The following PPP4R3A variants were observed in gnomAD, a reference collection of about 807,000 sequenced individuals.
PPP4R3A encodes serine/threonine-protein phosphatase 4 regulatory subunit 3A.
A neutral mutation model predicts 91.7 loss-of-function variants in PPP4R3A; 15 were observed. That is an observed-to-expected ratio of 0.16 (90% CI 0.11 to 0.25). PPP4R3A has a LOEUF of 0.25. Among genes scored for constraint, PPP4R3A ranks in the 10% least tolerant of loss-of-function variants. The probability of loss-of-function intolerance (pLI) is 1.00; values close to 1 mark genes in which losing one functional copy is unlikely to be tolerated. For synonymous variants in PPP4R3A, 377 were observed against 348.7 expected (o/e 1.08, Z -0.91); for missense variants, 623 against 998.4 (o/e 0.62, Z 5.07).
chr14:91,460,721 T>C (rs1451084488), intron 14 of PPP4R3A, among the ~76,000 whole-genome samples: 1 of 148,294 alleles, frequency 6.7e-6, no homozygotes, highest in Non-Finnish European at 1.5e-5. Context: ...CCCAGGTTCA[T>C]GCCATTCTCC....
intron 3 of PPP4R3A, among the ~76,000 whole-genome samples, chr14:91,482,865 C>G (rs1428723868): frequency 6.6e-6 from 1 of 152,058 alleles, no homozygotes; most frequent in Non-Finnish European, 1.5e-5. Flanking sequence ...TACAAGTGTA[C>G]CTACATAAAA....
chr14:91,482,414 G>T (rs1889625479), intron 3 of PPP4R3A, among the ~76,000 whole-genome samples: 1 of 152,296 alleles, frequency 6.6e-6, no homozygotes, highest in East Asian at 1.9e-4. Context: ...TCCCTATAAA[G>T]TATGAGGTCT....
chr14:91,505,723 G>A (rs1193031964), intron 1 of PPP4R3A, among the ~76,000 whole-genome samples: 1 of 152,064 alleles, frequency 6.6e-6, no homozygotes, highest in Non-Finnish European at 1.5e-5. Context: ...ATAATGACTA[G>A]GTCTAGCCCA....
Position 91,509,674 on chromosome 14 carries a change from G to A in PPP4R3A, c.-27C>T, listed in dbSNP as rs773622835. ...GTGCCGCCCGGGAACCGGGGCGGGG[G>A]CCCCGCCAGTAGACGCCCAGGAAAG... is the stretch of plus-strand genomic sequence containing the variant. On this transcript the variant is annotated 5_prime_UTR_variant, in exon 1 of 15. Transcript: ENST00000554943. 4.4e-6 allele frequency: 7 copies of A among 1,585,018 alleles called. No individual in the cohort carries two copies. Among genetic ancestry groups the A allele is most frequent in the Non-Finnish European group, 6.0e-6 (7 of 1,173,138 alleles).
At chr14:91,477,546 A>C (rs1889283224) in intron 4 of PPP4R3A, among the ~76,000 whole-genome samples, 1 of 152,220 alleles carries the variant, frequency 6.6e-6, no homozygotes, top group African/African-American at 2.4e-5. Flanking sequence ...TATAATTGAG[A>C]CTTGGATTTT....
At position 91,509,468 on chromosome 14, in the gene PPP4R3A, G is replaced by A. The variant is rs1891637423; in HGVS notation, c.142+38C>T. 3.2e-6 allele frequency: 5 copies of A among 1,554,436 alleles called. No homozygotes were observed. The South Asian group carries it at 5.8e-5, about 18-fold the overall frequency. ...ACCAGGGAGGCGGCCCAGGGCCGTG[G>A]GGGCTGCGAGGGTCCCGCCGCGCGG... On this transcript the variant is annotated intron_variant, in intron 1 of 14. Transcript: ENST00000554943.
Position 91,509,530 on chromosome 14 carries a change from G to A in PPP4R3A, c.118C>T (p.Leu40=), listed in dbSNP as rs754761855. 17 of 1,597,312 alleles carry A rather than the reference G, an allele frequency of 1.1e-5. No homozygotes were observed. In the East Asian group the frequency reaches 2.2e-4, roughly 21 times the overall value. Residue 40 remains leucine, a synonymous_variant, in exon 1 of 15, where the codon CTG becomes TTG. Transcript: ENST00000554943. ...CCGTCGCTCTCAGCCCTGACAAGCA[G>A]GGACATGCCCTTCAGCCGCTCCACG... ...GYVERLKGMS[L]LVRAESDGSL... is the part of the protein sequence containing the mutation.
At chr14:91,470,806 T>C (rs371496958) in intron 10 of PPP4R3A, 31 bp downstream of exon 10, 19 of 1,594,520 alleles carry the variant, frequency 1.2e-5, no homozygotes, top group African/African-American at 2.7e-5. Flanking sequence ...CATGTCAATA[T>C]ACAAAGATGA....
At chr14:91,491,805 G>A (rs1481308537) in intron 1 of PPP4R3A, among the ~76,000 whole-genome samples, 2 of 152,190 alleles carry the variant, frequency 1.3e-5, no homozygotes, top group African/African-American at 2.4e-5. Flanking sequence ...GCAGTTGTGC[G>A]ATCTCAGCTC....
chr14:91,466,401 C>T lies in PPP4R3A; in HGVS notation c.1661-982G>A, dbSNP rs1888469584. 3.0e-6 allele frequency: 3 copies of T among 985,622 alleles called. No individual in the cohort carries two copies. The African/African-American group carries it at 5.2e-5, about 17-fold the overall frequency. The allele number at this position is 985,622 out of a possible 1,614,324, so 61.1% of individuals were successfully genotyped here. On this transcript the variant is annotated intron_variant, in intron 10 of 14. Coordinates refer to ENST00000554943, the MANE Select transcript of PPP4R3A (RefSeq NM_001366432.2). The stretch of plus-strand genomic sequence containing the variant: ...CTTCATGAGCAGGTAGCCAGGCAAC[C>T]ATGCTGACACGGTTTCTGGGTGGGA...
rs551265861 is a variant in PPP4R3A at position 91,462,041 on chromosome 14, C to G, written c.2164+8G>C. On this transcript the variant is annotated splice_region_variant and intron_variant, in intron 13 of 14. Coordinates refer to ENST00000554943, the MANE Select transcript of PPP4R3A (RefSeq NM_001366432.2). ...TAATTTTCTCTTGCCCATTTTTTTC[C>G]AACATACATTTCTTCCTTTCCATGA... 1 of 1,484,300 alleles carries G rather than the reference C, an allele frequency of 6.7e-7. No homozygotes were observed. Among genetic ancestry groups the G allele is most frequent in the African/African-American group, 1.4e-5 (1 of 69,392 alleles). 91.9% of individuals were successfully genotyped at this position (1,484,300 alleles called of 1,614,324 possible).
chr14:91,483,312 G>A (rs1371353691), intron 3 of PPP4R3A, among the ~76,000 whole-genome samples: 2 of 152,190 alleles, frequency 1.3e-5, no homozygotes, highest in Non-Finnish European at 1.5e-5. Flanking sequence ...TGCACTGATA[G>A]ATACTAGAAA....
chr14:91,461,688 T>G (rs1888172126), intron 13 of PPP4R3A, 81 bp from the exon 14 acceptor site: 2 of 1,339,382 alleles, frequency 1.5e-6, no homozygotes, highest in East Asian at 4.6e-5. Flanking sequence ...CTAAAACACA[T>G]TTAACTAGCT....
intron 1 of PPP4R3A, among the ~76,000 whole-genome samples, chr14:91,495,302 A>ATGTGTGTGTGTGTGTGTG (rs60663799): frequency 0.053 from 7,532 of 140,868 alleles, 320 homozygotes; most frequent in Admixed American, 0.12. Flanking sequence ...CAGATACATA[A>ATGTGTGTGTGTGTGTGTG]TGTGTGTGTG....
At chr14:91,478,292 G>C (rs1028120341) in intron 4 of PPP4R3A, among the ~76,000 whole-genome samples, 2 of 152,192 alleles carry the variant, frequency 1.3e-5, no homozygotes, top group Admixed American at 1.3e-4. Flanking sequence ...GACATTCTCT[G>C]AACTGCTGCA....
chr14:91,507,482 T>TA (rs1482280508), intron 1 of PPP4R3A, among the ~76,000 whole-genome samples: 2 of 113,526 alleles, frequency 1.8e-5, no homozygotes, highest in African/African-American at 7.4e-5. Flanking sequence ...ATACTATAGT[T>TA]ATATATACTA....
At chr14:91,463,465 G>A (rs1187076419) in intron 11 of PPP4R3A, among the ~76,000 whole-genome samples, 2 of 151,948 alleles carry the variant, frequency 1.3e-5, no homozygotes, top group Non-Finnish European at 2.9e-5. Context: ...ATGGGGTCTC[G>A]TTCTGGCACC....
intron 1 of PPP4R3A, among the ~76,000 whole-genome samples, chr14:91,507,350 AC>A (rs1891366952): frequency 9.4e-6 from 1 of 105,884 alleles, no homozygotes; most frequent in East Asian, 2.5e-4. Context: ...TATTATATAT[AC>A]TATATAGTAT....
intron 1 of PPP4R3A, among the ~76,000 whole-genome samples, chr14:91,508,516 C>G (rs977789669): frequency 2.0e-5 from 3 of 152,180 alleles, no homozygotes; most frequent in Non-Finnish European, 4.4e-5. Flanking sequence ...AGATAACTTA[C>G]TTTCACGTTT....
Sources: allele counts gnomAD v4.1 joint callset (sites outside exome capture counted in the v4.1 genomes callset), GRCh38; gene constraint gnomAD v4.1.1; transcripts MANE v1.5; gene names NCBI Gene and HGNC (gene_info 2026-07-23, HGNC 2026-07-21).